Variants in PCNT observed in about 807,000 individuals in gnomAD.
PCNT encodes pericentrin.
PCNT carries 319 observed loss-of-function variants against 380.4 expected under a neutral mutation model. The ratio of observed to expected loss-of-function variants is 0.84; its 90% CI spans 0.77 to 0.92. The LOEUF (loss-of-function observed/expected upper bound fraction) is 0.92. Among genes scored for constraint, PCNT ranks in the 40% least tolerant of loss-of-function variants. PCNT has a pLI of 0.00. For synonymous variants in PCNT, 1,845 were observed against 1,735.2 expected (o/e 1.06, Z -1.57); for missense variants, 4,400 against 4,255.3 (o/e 1.03, Z -0.95).
At chr21:46,372,514 T>G (rs969235136) in intron 15 of PCNT, among the ~76,000 whole-genome samples, 8 of 152,062 alleles carry the variant, frequency 5.3e-5, no homozygotes, top group Non-Finnish European at 8.8e-5. Flanking sequence ...GGCCTTTCTG[T>G]GGGGGGAGGG....
chr21:46,418,483 C>G (rs1016777595), intron 31 of PCNT, among the ~76,000 whole-genome samples, 177 bp downstream of exon 31: 7 of 152,226 alleles, frequency 4.6e-5, no homozygotes, highest in Non-Finnish European at 8.8e-5. Flanking sequence ...GAAAACACGC[C>G]TGTACCTTTC....
At chr21:46,354,201 T>A in intron 11 of PCNT, 133 bp downstream of exon 11, 1 of 800,200 alleles carries the variant, frequency 1.2e-6, no homozygotes, top group Non-Finnish European at 2.1e-6. Context: ...TTGCGGATGC[T>A]GCCCCGACCT....
intron 29 of PCNT, among the ~76,000 whole-genome samples, chr21:46,415,758 A>G (rs1189732164): frequency 6.6e-6 from 1 of 152,164 alleles, no homozygotes; most frequent in Non-Finnish European, 1.5e-5. Context: ...AGAAACTCCA[A>G]ATTCATCACA....
chr21:46,390,255 G>A (rs2085985769), intron 19 of PCNT, among the ~76,000 whole-genome samples: 1 of 152,262 alleles, frequency 6.6e-6, no homozygotes, highest in African/African-American at 2.4e-5. Context: ...TGAGGCTGCC[G>A]TGAGTTGTGG....
chr21:46,395,261 C>T (rs571804020), intron 21 of PCNT, among the ~76,000 whole-genome samples: 2 of 152,350 alleles, frequency 1.3e-5, no homozygotes, highest in East Asian at 3.9e-4. Flanking sequence ...TGTCAGTTAA[C>T]ATGTATGAAT....
intron 24 of PCNT, 53 bp from the exon 25 acceptor site, chr21:46,399,537 G>C: frequency 5.8e-6 from 8 of 1,384,806 alleles, no homozygotes; most frequent in Non-Finnish European, 8.2e-6. Context: ...TTTGGAAAAT[G>C]GGTTTTTATA....
chr21:46,388,119 A>T lies in PCNT; in HGVS notation c.3465-623A>T, dbSNP rs1764902941. ...CAGCTACTCGGGAGGCTGAGGCAGG[A>T]GAAAGGCGTGAACCCGGGAGGTGGA... is the stretch of plus-strand genomic sequence containing the variant. On this transcript the variant is annotated intron_variant, in intron 17 of 46. Transcript: ENST00000359568. The surrounding 1 kb of genome is among the most constrained non-coding windows in gnomAD (Gnocchi z 4.2). Among the ~76,000 whole-genome samples, 2 of 152,020 alleles carry T rather than the reference A, an allele frequency of 1.3e-5. No homozygotes were observed. The highest frequency in any genetic ancestry group is 4.8e-5 in the African/African-American group (2 of 41,402).
rs10523538 is a variant in PCNT, at chr21:46,381,196, CTGTGTGTGTGTGTG to C, written c.3166-462_3166-449del. ...TTCCAAAAAAAAAAAAAAAAAATCT[CTGTGTGTGTGTGTG>C]TGTGTGTGTGTGTGTGTGTGTGTGT... is the stretch of plus-strand genomic sequence containing the variant. On this transcript the variant is annotated intron_variant, in intron 15 of 46. Coordinates refer to ENST00000359568, the MANE Select transcript of PCNT (RefSeq NM_006031.6). 8.4e-3 allele frequency among the ~76,000 whole-genome samples: 1,027 copies of C among 122,226 alleles called. 23 individuals carry two copies. The highest frequency in any genetic ancestry group is 0.02 in the Middle Eastern group (5 of 246). 80.2% of individuals were successfully genotyped at this position (122,226 alleles called of 152,430 possible).
chr21:46,400,700 A>C (rs1021785657), intron 25 of PCNT, among the ~76,000 whole-genome samples: 2 of 151,744 alleles, frequency 1.3e-5, no homozygotes, highest in African/African-American at 4.8e-5. Context: ...TTGTATTTTT[A>C]ATAGAGATGG....
At position 46,366,937 on chromosome 21, in the gene PCNT, A is replaced by G. The variant is rs2084950106; in HGVS notation, c.2963A>G (p.Gln988Arg). The change falls in exon 15 of 47, where the codon CAG (glutamine) becomes CGG (arginine). Residue 988 changes from glutamine (Q) to arginine (R), a missense_variant. By Grantham distance (43) the Gln-to-Arg change is conservative. Transcript: ENST00000359568. ...CAGACCATCCGTGAGGAGCACAGGC[A>G]GGCCCTAGAGCTCTTACGAGCAGAC... ...EFQTIREEHR[Q>R]ALELLRADFE... The G allele has an allele frequency of 6.2e-7, 1 of 1,614,260 alleles. No homozygotes were observed. Among genetic ancestry groups the G allele is most frequent in the Non-Finnish European group, 8.5e-7 (1 of 1,180,042 alleles).
chr21:46,431,935 C>G lies in PCNT; in HGVS notation c.8471C>G (p.Ala2824Gly). The G allele has an allele frequency of 6.2e-7, 1 of 1,613,996 alleles. No homozygotes were observed. Among genetic ancestry groups the G allele is most frequent in the Non-Finnish European group, 8.5e-7 (1 of 1,179,996 alleles). Reference sequence around the variant, plus strand: ...CTGCATTCTCAGCAGCAGCTTGAGGCTGAGGCTCAGAAGCACTGTGAGGCG... The same window carrying G: ...CTGCATTCTCAGCAGCAGCTTGAGGGTGAGGCTCAGAAGCACTGTGAGGCG... Reference protein sequence around the residue: ...QALHSQQQLEAEAQKHCEALR... With the variant: ...QALHSQQQLEGEAQKHCEALR... The change falls in exon 38 of 47, where the codon GCT becomes GGT. Residue 2824 changes from alanine (A) to glycine (G), a missense_variant. Coordinates refer to ENST00000359568, the MANE Select transcript of PCNT (RefSeq NM_006031.6).
In PCNT at chr21:46,389,390, G is replaced by T. The variant is rs375323485; in HGVS notation, c.3799G>T (p.Val1267Leu). Residue 1267 changes from valine to leucine, a missense_variant, in exon 19 of 47, where the codon GTG becomes TTG. By Grantham distance (32) the Val-to-Leu change is conservative. Transcript: ENST00000359568. ...RRVFQSLSLA[V>L]DGLMEMALDS... ...GGTCTTCCAGAGCCTCAGCCTGGCC[G>T]TGGACGGCCTCATGGAGATGGCCCT... The T allele has an allele frequency of 5.6e-6, 9 of 1,614,064 alleles. No individual in the cohort carries two copies. The highest frequency in any genetic ancestry group is 7.6e-6 in the Non-Finnish European group (9 of 1,179,988).
chr21:46,397,618 T>C, intron 22 of PCNT, 124 bp downstream of exon 22: 1 of 792,710 alleles, frequency 1.3e-6, no homozygotes, highest in Non-Finnish European at 2.1e-6. Flanking sequence ...CCACACCTGC[T>C]GCACAGGTGC....
chr21:46,366,702 C>T lies in PCNT; in HGVS notation c.2728C>T (p.Gln910Ter), dbSNP rs869312917. Residue 910 changes from glutamine (Q) to a stop codon, truncating the protein, a stop_gained, in exon 15 of 47, where the codon CAG becomes TAG. Coordinates refer to ENST00000359568, the MANE Select transcript of PCNT (RefSeq NM_006031.6). LOFTEE classifies it high-confidence loss of function. ...ELQLLQERHQQQLLSVTAELE... is the reference protein window; with the variant it reads ...ELQLLQERHQ ...GCAGCTCCTCCAGGAGAGACACCAG[C>T]AGCAGCTCCTGTCAGTGACGGCGGA... is the stretch of plus-strand genomic sequence containing the variant. The T allele has an allele frequency of 6.2e-7, 1 of 1,613,672 alleles. No homozygotes were observed. Among genetic ancestry groups the T allele is most frequent in the Non-Finnish European group, 8.5e-7 (1 of 1,180,034 alleles).
At chr21:46,365,785 C>T (rs1399635232) in intron 14 of PCNT, among the ~76,000 whole-genome samples, 12 of 147,718 alleles carry the variant, frequency 8.1e-5, no homozygotes, top group African/African-American at 3.0e-4. Flanking sequence ...TGTTCACTCC[C>T]ATAGGGTTCT....
At chr21:46,438,848 T>C (rs1417255049) in intron 41 of PCNT, among the ~76,000 whole-genome samples, 8 of 151,896 alleles carry the variant, frequency 5.3e-5, no homozygotes, top group African/African-American at 1.9e-4. Context: ...AATTTTTATA[T>C]TTTTAGTAGA....
In PCNT at chr21:46,346,745, C is replaced by T. The variant is rs758811823; in HGVS notation, c.723C>T (p.Ala241=). ...EDEAGLHQSQ[A]VHGLELEALR... ...CAGAGGCCTTTTCTCCGCCGCAGGC[C>T]GTGCATGGCCTTGAGCTGGAGGCGC... Residue 241 remains alanine (A), a splice_region_variant and synonymous_variant, in exon 5 of 47, where the codon GCC becomes GCT. Coordinates refer to ENST00000359568, the MANE Select transcript of PCNT (RefSeq NM_006031.6). The T allele has an allele frequency of 3.3e-5, 52 of 1,596,368 alleles. No individual in the cohort carries two copies. In the East Asian group the frequency reaches 5.2e-4, roughly 16 times the overall value.
At chr21:46,403,074 T>A (rs1441823813) in intron 27 of PCNT, among the ~76,000 whole-genome samples, 8 of 152,276 alleles carry the variant, frequency 5.3e-5, no homozygotes, top group Admixed American at 5.2e-4. Flanking sequence ...CAGATGCCCT[T>A]GAAAGACCTT....
chr21:46,360,474 C>T (rs895046919), intron 13 of PCNT, among the ~76,000 whole-genome samples: 25 of 146,362 alleles, frequency 1.7e-4, no homozygotes, highest in Non-Finnish European at 2.8e-4. Flanking sequence ...CCGCCTGCCT[C>T]GGACTCCCAA....
Sources: gnomAD v4.1 joint callset for allele counts (sites outside exome capture counted in the v4.1 genomes callset) on GRCh38, gnomAD v4.1.1 for gene constraint, Gnocchi (gnomAD v3.1) non-coding constraint, MANE v1.5 for transcripts, NCBI Gene and HGNC (gene_info 2026-07-23, HGNC 2026-07-21) for gene names.